The following SLC9A9 variants were observed in gnomAD, a reference collection of about 807,000 sequenced individuals.
The protein encoded by SLC9A9 is solute carrier family 9 member A9.
Under a neutral mutation model 77.8 loss-of-function variants are expected in SLC9A9, and 62 were observed. The ratio of observed to expected loss-of-function variants is 0.80; its 90% CI spans 0.65 to 0.98. SLC9A9 has a LOEUF of 0.98. Among genes scored for constraint, SLC9A9 ranks in the 50% least tolerant of loss-of-function variants. SLC9A9 has a pLI of 0.00. For synonymous variants in SLC9A9, 320 were observed against 283.5 expected, an observed-to-expected ratio of 1.13 and a Z score of -1.29; for missense variants, 775 against 774.9, an observed-to-expected ratio of 1.00 and a Z score of 0.00.
At chr3:143,316,118 G>A (rs1347954769) in intron 14 of SLC9A9, among the ~76,000 whole-genome samples, 1 of 152,224 alleles carries the variant, frequency 6.6e-6, no homozygotes, top group East Asian at 1.9e-4. Context: ...GGGCTTGGAG[G>A]TTAAGATGTG....
intron 14 of SLC9A9, among the ~76,000 whole-genome samples, chr3:143,286,219 A>T (rs1489794585): frequency 6.6e-6 from 1 of 152,070 alleles, no homozygotes; most frequent in Non-Finnish European, 1.5e-5. Flanking sequence ...TGATTTTAAG[A>T]GTGCTTTCGA....
At chr3:143,471,739 G>T (rs2035381403) in intron 11 of SLC9A9, among the ~76,000 whole-genome samples, 2 of 151,934 alleles carry the variant, frequency 1.3e-5, no homozygotes, top group African/African-American at 4.8e-5. Flanking sequence ...ATTTTAAATG[G>T]GTTTACTTTG....
At chr3:143,691,142 G>A (rs893528167) in intron 5 of SLC9A9, among the ~76,000 whole-genome samples, 2 of 152,036 alleles carry the variant, frequency 1.3e-5, no homozygotes, top group Non-Finnish European at 2.9e-5. Context: ...TGCCAATCCT[G>A]CTGGTCTGAG....
intron 5 of SLC9A9, 70 bp from the exon 6 acceptor site, chr3:143,652,430 C>A: frequency 8.8e-7 from 1 of 1,135,280 alleles, no homozygotes; most frequent in East Asian, 2.5e-5. Context: ...GCTATGGTCA[C>A]CACTCAAAAA....
intron 5 of SLC9A9, among the ~76,000 whole-genome samples, chr3:143,681,809 G>A (rs1933106944): frequency 6.6e-6 from 1 of 152,164 alleles, no homozygotes; most frequent in African/African-American, 2.4e-5. Context: ...TGTGATAGCA[G>A]TCCTCTGAGT....
intron 5 of SLC9A9, among the ~76,000 whole-genome samples, chr3:143,686,600 T>A (rs1182485758): frequency 3.3e-5 from 5 of 152,142 alleles, no homozygotes; most frequent in African/African-American, 9.7e-5. Context: ...ATGGGTATGC[T>A]TGTATCTCCA....
At chr3:143,290,417 G>A (rs575283218) in intron 14 of SLC9A9, among the ~76,000 whole-genome samples, 1 of 152,296 alleles carries the variant, frequency 6.6e-6, no homozygotes, top group East Asian at 1.9e-4. Flanking sequence ...AGTGAGCACA[G>A]GGATGAATGT....
intron 12 of SLC9A9, among the ~76,000 whole-genome samples, chr3:143,421,558 A>G (rs2034296396): frequency 6.6e-6 from 1 of 152,186 alleles, no homozygotes; most frequent in Non-Finnish European, 1.5e-5. Context: ...CAAAAGAATG[A>G]AAGTAGATCA....
At chr3:143,395,816 C>G (rs1281639035) in intron 12 of SLC9A9, among the ~76,000 whole-genome samples, 9 of 152,236 alleles carry the variant, frequency 5.9e-5, no homozygotes, top group Non-Finnish European at 1.0e-4. Flanking sequence ...CTCAAAAGAA[C>G]ACATTTATGC....
chr3:143,614,380 T>C (rs2038070197), intron 6 of SLC9A9, among the ~76,000 whole-genome samples: 1 of 152,224 alleles, frequency 6.6e-6, no homozygotes, highest in Non-Finnish European at 1.5e-5. Flanking sequence ...CTTGATTTGA[T>C]CAGGCTTGCA....
At chr3:143,549,037 C>T (rs1450498871) in intron 9 of SLC9A9, among the ~76,000 whole-genome samples, 3 of 152,234 alleles carry the variant, frequency 2.0e-5, no homozygotes, top group African/African-American at 7.2e-5. Context: ...TAACTGCTAC[C>T]TTCCCGTTGA....
intron 4 of SLC9A9, among the ~76,000 whole-genome samples, chr3:143,782,897 T>C (rs2007927090): frequency 6.6e-6 from 1 of 152,198 alleles, no homozygotes; most frequent in Non-Finnish European, 1.5e-5. Flanking sequence ...AATGAACTTA[T>C]GGCTGAAGCT....
At chr3:143,783,240 C>A (rs1020174657) in intron 4 of SLC9A9, among the ~76,000 whole-genome samples, 6 of 152,094 alleles carry the variant, frequency 3.9e-5, no homozygotes, top group African/African-American at 1.4e-4. Flanking sequence ...ACTGAGCTGT[C>A]ATTGCCCTCC....
chr3:143,553,058 A>G lies in SLC9A9; in HGVS notation c.1001-608T>C, dbSNP rs1327307143. ...GGCTGGGTGCTCTGTCCTGCTGCCA[A>G]ACACACCCAAGGCATTCACTCCTTG... On this transcript the variant is annotated intron_variant, in intron 8 of 15. Transcript: ENST00000316549. 2.6e-5 allele frequency among the ~76,000 whole-genome samples: 4 copies of G among 152,108 alleles called. No homozygotes were observed. In the East Asian group the frequency reaches 5.8e-4, roughly 22 times the overall value.
intron 12 of SLC9A9, among the ~76,000 whole-genome samples, chr3:143,409,220 G>A (rs2034046155): frequency 6.6e-6 from 1 of 152,188 alleles, no homozygotes; most frequent in African/African-American, 2.4e-5. Flanking sequence ...TGTAAATAGT[G>A]TAATATCCTT....
chr3:143,366,258 T>C (rs2032898872), intron 13 of SLC9A9, among the ~76,000 whole-genome samples: 1 of 152,214 alleles, frequency 6.6e-6, no homozygotes, highest in Admixed American at 6.5e-5. Flanking sequence ...TATCCAGCCA[T>C]TAATTTTTTC....
At chr3:143,740,285 C>T (rs1020222523) in intron 4 of SLC9A9, among the ~76,000 whole-genome samples, 4 of 152,038 alleles carry the variant, frequency 2.6e-5, no homozygotes, top group African/African-American at 9.7e-5. Flanking sequence ...TTTTGAAATG[C>T]CAAGAATGTT....
chr3:143,274,570 CAA>C (rs1937991928), intron 14 of SLC9A9, among the ~76,000 whole-genome samples: 1 of 152,194 alleles, frequency 6.6e-6, no homozygotes, highest in Non-Finnish European at 1.5e-5. Flanking sequence ...GCTACTGACA[CAA>C]AGTTACTGAC....
At chr3:143,293,565 G>T (rs1265639335) in intron 14 of SLC9A9, among the ~76,000 whole-genome samples, 1 of 152,118 alleles carries the variant, frequency 6.6e-6, no homozygotes, top group East Asian at 1.9e-4. Flanking sequence ...ATAGGAAAGA[G>T]GACTTTCAAA....
Sources: gnomAD v4.1 joint callset for allele counts (sites outside exome capture counted in the v4.1 genomes callset) on GRCh38, gnomAD v4.1.1 for gene constraint, MANE v1.5 for transcripts, NCBI Gene and HGNC (gene_info 2026-07-23, HGNC 2026-07-21) for gene names.